MAP2: variants seen among roughly 807,000 people sequenced by gnomAD.
MAP2 encodes microtubule-associated protein 2.
Under a neutral mutation model 137.6 loss-of-function variants are expected in MAP2, and 14 were observed. The ratio of observed to expected loss-of-function variants is 0.10; its 90% CI spans 0.07 to 0.16. The LOEUF (loss-of-function observed/expected upper bound fraction) is 0.16. Among genes scored for constraint, MAP2 ranks in the 10% least tolerant of loss-of-function variants. The pLI, the probability that MAP2 is intolerant of heterozygous loss-of-function variation, is 1.00. For missense variants in MAP2, 2,088 were observed against 2,191.5 expected (o/e 0.95, Z 0.94); for synonymous variants, 786 against 782.3 (o/e 1.00, Z -0.08).
intron 3 of MAP2, among the ~76,000 whole-genome samples, chr2:209,599,603 A>G (rs1010733104): frequency 1.3e-5 from 2 of 152,200 alleles, no homozygotes; most frequent in Admixed American, 1.3e-4. Context: ...GAAAAGTTTT[A>G]TTATAATAGC....
intron 5 of MAP2, among the ~76,000 whole-genome samples, chr2:209,676,065 A>C (rs2051258208): frequency 2.0e-5 from 3 of 151,860 alleles, no homozygotes; most frequent in African/African-American, 7.2e-5. Context: ...AATCTGAGTA[A>C]AGCTCAATAA....
chr2:209,642,180 T>C (rs966987173), intron 4 of MAP2, among the ~76,000 whole-genome samples: 22 of 152,088 alleles, frequency 1.4e-4, no homozygotes, highest in African/African-American at 4.1e-4. Context: ...CAGTGGCTCA[T>C]GCCTGTAATC....
At chr2:209,648,687 G>T (rs1432849511) in intron 4 of MAP2, among the ~76,000 whole-genome samples, 3 of 150,228 alleles carry the variant, frequency 2.0e-5, no homozygotes, top group Non-Finnish European at 4.4e-5. Context: ...TACTCAGGAG[G>T]CTGAGGCAGG....
At chr2:209,562,242 G>T (rs1372273737) in intron 2 of MAP2, among the ~76,000 whole-genome samples, 2 of 152,060 alleles carry the variant, frequency 1.3e-5, no homozygotes, top group East Asian at 3.9e-4. Context: ...ATTATACTTT[G>T]GGATTTATCA....
intron 7 of MAP2, among the ~76,000 whole-genome samples, chr2:209,686,783 A>C (rs2057170519): frequency 6.6e-6 from 1 of 152,192 alleles, no homozygotes; most frequent in African/African-American, 2.4e-5. Context: ...CATTTCAATA[A>C]GAAATATGCA....
chr2:209,595,085 A>G (rs2080887587), intron 3 of MAP2, among the ~76,000 whole-genome samples: 2 of 152,322 alleles, frequency 1.3e-5, no homozygotes, highest in Admixed American at 6.5e-5. Flanking sequence ...CAGTATTAAA[A>G]TAAGCAATTG....
chr2:209,725,655 G>T, intron 13 of MAP2, 54 bp from the exon 14 acceptor site: 2 of 1,169,970 alleles, frequency 1.7e-6, no homozygotes, highest in South Asian at 3.1e-5. Flanking sequence ...GTATGAGCTT[G>T]GGTTTTTGTC....
intron 14 of MAP2, among the ~76,000 whole-genome samples, chr2:209,729,191 A>G (rs1366778395): frequency 6.6e-6 from 1 of 152,200 alleles, no homozygotes; most frequent in Non-Finnish European, 1.5e-5. Flanking sequence ...CTGTCTCAAT[A>G]TTATCAGATC....
intron 1 of MAP2, among the ~76,000 whole-genome samples, chr2:209,436,271 G>T (rs190402279): frequency 6.6e-6 from 1 of 151,260 alleles, no homozygotes; most frequent in Non-Finnish European, 1.5e-5. Context: ...GCATTAAGAC[G>T]TATTAATATT....
intron 4 of MAP2, among the ~76,000 whole-genome samples, chr2:209,636,860 T>C (rs2093614821): frequency 6.6e-6 from 1 of 152,084 alleles, no homozygotes; most frequent in Non-Finnish European, 1.5e-5. Context: ...CAGAAAAACA[T>C]TCTAACTTTA....
chr2:209,562,953 C>T (rs2072523692), intron 2 of MAP2, among the ~76,000 whole-genome samples: 1 of 152,140 alleles, frequency 6.6e-6, no homozygotes, highest in Non-Finnish European at 1.5e-5. Flanking sequence ...CTAAGAAATA[C>T]ATTACCAGAA....
chr2:209,574,100 A>G (rs546399112), intron 2 of MAP2, among the ~76,000 whole-genome samples: 10 of 152,254 alleles, frequency 6.6e-5, no homozygotes, highest in African/African-American at 2.4e-4. Flanking sequence ...TGTACAGTAC[A>G]ATGTTATTAC....
chr2:209,542,796 G>A (rs1351664358), intron 2 of MAP2, among the ~76,000 whole-genome samples: 2 of 152,154 alleles, frequency 1.3e-5, no homozygotes, highest in African/African-American at 4.8e-5. Context: ...AAGAGCTAGG[G>A]CCTTTCTCTG....
chr2:209,520,096 G>A (rs1343457192), intron 2 of MAP2, among the ~76,000 whole-genome samples: 2 of 152,020 alleles, frequency 1.3e-5, no homozygotes, highest in African/African-American at 2.4e-5. Flanking sequence ...TGGGCCATCT[G>A]CCTCCCCATC....
chr2:209,682,477 G>C (rs866426322), intron 7 of MAP2, among the ~76,000 whole-genome samples: 1 of 152,074 alleles, frequency 6.6e-6, no homozygotes, highest in South Asian at 2.1e-4. Context: ...GTGACATAGC[G>C]AGACTCCATC....
At chr2:209,482,761 C>G (rs888763449) in intron 1 of MAP2, among the ~76,000 whole-genome samples, 9 of 152,162 alleles carry the variant, frequency 5.9e-5, no homozygotes, top group Admixed American at 5.2e-4. Flanking sequence ...GCCTCAGCTC[C>G]TTCCATTCTA....
chr2:209,635,855 A>G (rs2093511227), intron 4 of MAP2, among the ~76,000 whole-genome samples: 1 of 152,132 alleles, frequency 6.6e-6, no homozygotes. Flanking sequence ...ATCAGAGAGC[A>G]TTTCAAAGGG....
intron 1 of MAP2, among the ~76,000 whole-genome samples, chr2:209,432,733 T>G (rs972411201): frequency 3.9e-5 from 6 of 152,164 alleles, no homozygotes; most frequent in African/African-American, 1.4e-4. Flanking sequence ...AATTTCCATA[T>G]ACATTGATGA....
chr2:209,694,601 G>C lies in MAP2; in HGVS notation c.2431G>C (p.Asp811His), dbSNP rs201819060. Residue 811 changes from aspartate to histidine, a missense_variant, in exon 8 of 16, where the codon GAT becomes CAT. Asp to His is a moderately conservative substitution (Grantham distance 81, BLOSUM62 -1). Around this residue, in one of 6 missense-constraint regions of MAP2, gnomAD observed 500 missense variants for 482.9 expected, o/e 1.04. Transcript: ENST00000682079. Reference protein sequence around the residue: ...VMAPDLPEMLDLAGTRSRLAS... With the variant: ...VMAPDLPEMLHLAGTRSRLAS... ...GGCACCTGACCTTCCTGAAATGCTA[G>C]ATCTGGCAGGCACAAGGTCAAGATT... 2 of 1,613,930 alleles carry C rather than the reference G, an allele frequency of 1.2e-6. No homozygotes were observed. Among genetic ancestry groups the C allele is most frequent in the Non-Finnish European group, 1.7e-6 (2 of 1,179,938 alleles).
Sources: gnomAD v4.1 joint callset for allele counts (sites outside exome capture counted in the v4.1 genomes callset) on GRCh38, gnomAD v4.1.1 for gene constraint, gnomAD v4.1.1 regional missense constraint, MANE v1.5 for transcripts, NCBI Gene and HGNC (gene_info 2026-07-23, HGNC 2026-07-21) for gene names.